Variants in OSCP1 observed in about 807,000 individuals in gnomAD.
OSCP1 encodes protein OSCP1.
OSCP1 carries 35 observed loss-of-function variants against 45.1 expected under a neutral mutation model. The ratio of observed to expected loss-of-function variants is 0.78; its 90% CI spans 0.59 to 1.03. The LOEUF is 1.03. Ranked by LOEUF, OSCP1 falls within the 50% of genes least tolerant of loss-of-function variation. OSCP1 has a pLI of 0.00. For missense variants in OSCP1, 400 were observed against 470.7 expected (o/e 0.85, Z 1.39); for synonymous variants, 179 against 180.1 (o/e 0.99, Z 0.05).
Position 36,447,393 on chromosome 1 carries a change from AC to A in OSCP1, c.112+2864del, listed in dbSNP as rs1471221953. The stretch of plus-strand genomic sequence containing the variant: ...TCCTCCCTCTCCTCCTGACCTACCA[AC>A]CCCCACTAAGATTCTGATATAGTCC... On this transcript the variant is annotated intron_variant, in intron 1 of 9. Coordinates refer to ENST00000235532, the MANE Select transcript of OSCP1 (RefSeq NM_145047.5). This position sits in a 1 kb window ranked among gnomAD's most constrained non-coding sequence, Gnocchi z 4.1. Among the ~76,000 whole-genome samples the A allele has an allele frequency of 6.6e-6, 1 of 152,012 alleles. No homozygotes were observed. The highest frequency in any genetic ancestry group is 2.4e-5 in the African/African-American group (1 of 41,346).
intron 4 of OSCP1, among the ~76,000 whole-genome samples, chr1:36,427,315 GAC>G (rs1231979787): frequency 1.1e-4 from 2 of 18,988 alleles, no homozygotes; most frequent in South Asian, 2.0e-3. Flanking sequence ...TTTTTTTTTT[GAC>G]ACAGAGTCTT....
At chr1:36,427,188 G>C (rs539845969) in intron 4 of OSCP1, among the ~76,000 whole-genome samples, 1 of 150,960 alleles carries the variant, frequency 6.6e-6, no homozygotes, top group Non-Finnish European at 1.5e-5. Context: ...TTTTAGTAGA[G>C]ATGGGGTTTC....
In OSCP1 at chr1:36,450,242, G is replaced by A; in HGVS notation, c.112+16C>T. ...GCTGGCTGCGGGTCTGGCTGAGCGGGCCGGGGGCCTCTCACCTTTGCGGGC... is the reference window on the plus strand; with the variant it reads ...GCTGGCTGCGGGTCTGGCTGAGCGGACCGGGGGCCTCTCACCTTTGCGGGC... On this transcript the variant is annotated intron_variant, in intron 1 of 9. Transcript: ENST00000235532. 6.2e-7 allele frequency: 1 copy of A among 1,604,888 alleles called. No homozygotes were observed. The highest frequency in any genetic ancestry group is 2.2e-5 in the East Asian group (1 of 44,688).
intron 4 of OSCP1, among the ~76,000 whole-genome samples, chr1:36,427,103 C>T (rs1416025406): frequency 3.3e-5 from 5 of 151,070 alleles, no homozygotes; most frequent in Admixed American, 6.6e-5. Context: ...TGGGTTCAAG[C>T]GATTCTCCTG....
intron 8 of OSCP1, 119 bp from the exon 9 acceptor site, chr1:36,419,173 A>G (rs1647463709): frequency 9.1e-6 from 8 of 875,932 alleles, no homozygotes; most frequent in Non-Finnish European, 1.3e-5. Flanking sequence ...CATTTCTCTT[A>G]AACTTTCTAC....
chr1:36,419,601 A>G (rs1484080380), intron 8 of OSCP1, among the ~76,000 whole-genome samples: 1 of 152,202 alleles, frequency 6.6e-6, no homozygotes, highest in Admixed American at 6.5e-5. Flanking sequence ...AATGCATGCA[A>G]AAGTGCTCTG....
At chr1:36,444,624 A>C (rs943618333) in intron 1 of OSCP1, among the ~76,000 whole-genome samples, 3 of 152,212 alleles carry the variant, frequency 2.0e-5, no homozygotes, top group African/African-American at 7.2e-5. Context: ...ATGTAAAAAG[A>C]AGCGAATAAT....
chr1:36,431,670 C>T, intron 4 of OSCP1, 132 bp downstream of exon 4: 2 of 683,618 alleles, frequency 2.9e-6, no homozygotes, highest in Middle Eastern at 6.6e-4. Context: ...ATATCTTTAT[C>T]ATTAGAGAGG....
At chr1:36,448,119 T>C (rs1450940856) in intron 1 of OSCP1, among the ~76,000 whole-genome samples, 2 of 152,214 alleles carry the variant, frequency 1.3e-5, no homozygotes, top group African/African-American at 4.8e-5. Flanking sequence ...AACATATATG[T>C]ATTATTACCA....
chr1:36,444,858 C>T (rs543095070), intron 1 of OSCP1, among the ~76,000 whole-genome samples: 1 of 152,254 alleles, frequency 6.6e-6, no homozygotes, highest in South Asian at 2.1e-4. Flanking sequence ...ATCTTACAGG[C>T]CTATTGTGGG....
intron 4 of OSCP1, among the ~76,000 whole-genome samples, chr1:36,426,085 T>C (rs974174528): frequency 2.0e-5 from 3 of 152,108 alleles, no homozygotes; most frequent in African/African-American, 7.2e-5. Context: ...CTGGATGACG[T>C]TTAAGACATT....
chr1:36,428,232 A>G, intron 4 of OSCP1: 2 of 1,436,096 alleles, frequency 1.4e-6, no homozygotes, highest in Non-Finnish European at 1.8e-6. Context: ...TTGGCATCAG[A>G]ATTGAAATCT....
intron 4 of OSCP1, among the ~76,000 whole-genome samples, chr1:36,430,898 G>C (rs747578083): frequency 6.6e-6 from 1 of 152,136 alleles, no homozygotes; most frequent in Non-Finnish European, 1.5e-5. Flanking sequence ...CAGGTGATCT[G>C]CCCACCTTGT....
intron 4 of OSCP1, among the ~76,000 whole-genome samples, chr1:36,427,408 C>T (rs970680083): frequency 2.2e-4 from 33 of 150,394 alleles, no homozygotes; most frequent in Admixed American, 1.7e-3. Context: ...AGGAATCCTC[C>T]GGCCTTGGCC....
Position 36,422,169 on chromosome 1 carries a change from T to C in OSCP1, c.800A>G (p.Asn267Ser). Residue 267 changes from asparagine to serine, a missense_variant, in exon 7 of 10, where the codon AAC (asparagine) becomes AGC (serine). Coordinates refer to ENST00000235532, the MANE Select transcript of OSCP1 (RefSeq NM_145047.5). ...VETHVSGSSK[N>S]LASWTQESIA... ...GCTCACCTGGGTCCATGAGGCTAAGTTCTTTGATGATCCAGACACATGAGT... is the reference window on the plus strand; with the variant it reads ...GCTCACCTGGGTCCATGAGGCTAAGCTCTTTGATGATCCAGACACATGAGT... The C allele has an allele frequency of 6.2e-7, 1 of 1,614,126 alleles. No individual in the cohort carries two copies. Among genetic ancestry groups the C allele is most frequent in the Non-Finnish European group, 8.5e-7 (1 of 1,179,992 alleles).
chr1:36,418,530 G>A (rs1647411047), intron 9 of OSCP1: 1 of 499,402 alleles, frequency 2.0e-6, no homozygotes, highest in African/African-American at 1.9e-5. Flanking sequence ...TGAGCAGGGG[G>A]AATGACAATA....
chr1:36,422,241 G>A (rs1490941240), intron 6 of OSCP1, 22 bp from the exon 7 acceptor site: 1 of 1,605,272 alleles, frequency 6.2e-7, no homozygotes, highest in African/African-American at 1.3e-5. Context: ...ACAGAAAATG[G>A]TGACATTATC....
chr1:36,443,952 T>C, intron 1 of OSCP1: 1 of 1,580,534 alleles, frequency 6.3e-7, no homozygotes, highest in East Asian at 2.2e-5. Context: ...GATAAAGGCC[T>C]GAGTGAACCT....
chr1:36,418,897 C>T, intron 9 of OSCP1, 94 bp downstream of exon 9: 1 of 1,077,284 alleles, frequency 9.3e-7, no homozygotes, highest in South Asian at 1.4e-5. Context: ...CACTGCACTT[C>T]ACCTGGGTGA....
Sources: gnomAD v4.1 joint callset for allele counts (sites outside exome capture counted in the v4.1 genomes callset) on GRCh38, gnomAD v4.1.1 for gene constraint, Gnocchi (gnomAD v3.1) non-coding constraint, MANE v1.5 for transcripts, NCBI Gene and HGNC (gene_info 2026-07-23, HGNC 2026-07-21) for gene names.